NECAB3: variants seen among roughly 807,000 people sequenced by gnomAD.
The protein encoded by NECAB3 is N-terminal EF-hand calcium binding protein 3.
In NECAB3, 38 loss-of-function variants were observed where a neutral mutation model predicts 57.2. The observed-to-expected ratio is 0.66, with a 90% CI of 0.51 to 0.87. The LOEUF is 0.87. Among genes scored for constraint, NECAB3 ranks in the 40% least tolerant of loss-of-function variants. The pLI is 0.00. For missense variants in NECAB3, 474 were observed against 527.5 expected, an observed-to-expected ratio of 0.90 and a Z score of 0.99; for synonymous variants, 223 against 222.6, an observed-to-expected ratio of 1.00 and a Z score of -0.02.
Position 33,660,595 on chromosome 20 carries a change from C to G in NECAB3, c.388-200G>C, listed in dbSNP as rs1296124454. On this transcript the variant is annotated intron_variant, in intron 5 of 11. Coordinates refer to ENST00000246190, the MANE Select transcript of NECAB3 (RefSeq NM_031232.4). The surrounding 1 kb of genome is among the most constrained non-coding windows in gnomAD (Gnocchi z 4.1). ...TCCTTGTCCGGGACTGGCCTCCCTC[C>G]CCGGAGGTGTGAGGCCAACTCACAG... Among the ~76,000 whole-genome samples, 1 of 152,150 alleles carries G rather than the reference C, an allele frequency of 6.6e-6. No individual in the cohort carries two copies. Among genetic ancestry groups the G allele is most frequent in the Admixed American group, 6.5e-5 (1 of 15,282 alleles).
At chr20:33,674,562 A>C (rs1047159391), upstream of NECAB3, 1 of 300,684 alleles carries the variant, frequency 3.3e-6, no homozygotes, top group African/African-American at 2.2e-5. Context: ...GCCACGGCGG[A>C]GGGGGAGGCG....
In NECAB3 at chr20:33,658,764, C is replaced by T. The variant is rs778131621; in HGVS notation, c.950G>A (p.Arg317His). The change falls in exon 9 of 12, where the codon CGC becomes CAC. Residue 317 changes from arginine to histidine, a missense_variant. By Grantham distance (29) the Arg-to-His change is conservative (BLOSUM62 0). Coordinates refer to ENST00000246190, the MANE Select transcript of NECAB3 (RefSeq NM_031232.4). ...EGLQDFHRAL[R>H]CYVDFTGAQS... ...GGCCCCTGTGAAGTCCACATAGCAG[C>T]GCAGGGCTCGGTGGAAGTCCTGCAG... is the stretch of plus-strand genomic sequence containing the variant. 1.1e-5 allele frequency: 17 copies of T among 1,613,568 alleles called. No individual in the cohort carries two copies. The highest frequency in any genetic ancestry group is 7.7e-5 in the South Asian group (7 of 91,072).
intron 5 of NECAB3, chr20:33,662,551 G>A: frequency 6.8e-7 from 1 of 1,477,130 alleles, no homozygotes; most frequent in Non-Finnish European, 9.2e-7. Context: ...GGGAAGGGAT[G>A]CTGGGAGTCT....
chr20:33,663,707 G>A (rs770725346), intron 5 of NECAB3: 13 of 1,538,142 alleles, frequency 8.5e-6, no homozygotes, highest in Middle Eastern at 2.0e-4. Context: ...CTGCTGCGGC[G>A]GCAAGAGGCG....
chr20:33,666,589 C>T (rs2017658295), intron 5 of NECAB3: 1 of 152,290 alleles, frequency 6.6e-6, no homozygotes, highest in South Asian at 2.1e-4. Flanking sequence ...ACCACAAGGC[C>T]CCTTCGCCCT....
chr20:33,667,757 T>C (rs376698003), intron 5 of NECAB3: 1 of 1,612,588 alleles, frequency 6.2e-7, no homozygotes, highest in Non-Finnish European at 8.5e-7. Flanking sequence ...AGCTGCTACG[T>C]GTCCCTGGAC....
chr20:33,674,158 C>A, intron 1 of NECAB3, 66 bp downstream of exon 1: 3 of 1,226,290 alleles, frequency 2.4e-6, no homozygotes, highest in Non-Finnish European at 3.1e-6. Context: ...CCGAACAACC[C>A]CGGAGGGTGA....
chr20:33,663,964 A>G (rs1175073892), intron 5 of NECAB3: 1 of 1,128,410 alleles, frequency 8.9e-7, no homozygotes. Context: ...GGGGTGGGCA[A>G]AGCTCAGCCT....
intron 5 of NECAB3, chr20:33,667,653 G>A (rs1314105203): frequency 1.9e-6 from 3 of 1,609,634 alleles, no homozygotes; most frequent in Non-Finnish European, 2.5e-6. Flanking sequence ...GCAGCACCCT[G>A]TCGCGCTACC....
chr20:33,663,078 A>G (rs1424661378), intron 5 of NECAB3, among the ~76,000 whole-genome samples: 4 of 152,166 alleles, frequency 2.6e-5, no homozygotes, highest in Non-Finnish European at 5.9e-5. Flanking sequence ...CAACACGGAG[A>G]ATCAGTTCTA....
rs370908804 is a variant in NECAB3 at position 33,667,669 on chromosome 20, G to T, written c.387+1706C>A. 3 of 1,611,570 alleles carry T rather than the reference G, an allele frequency of 1.9e-6. No individual in the cohort carries two copies. The East Asian group carries it at 6.7e-5, about 36-fold the overall frequency. On this transcript the variant is annotated intron_variant, in intron 5 of 11. Coordinates refer to ENST00000246190, the MANE Select transcript of NECAB3 (RefSeq NM_031232.4). ...CAGCACCCTGTCGCGCTACCTGCGGGATCTGCTGGTGGCGGCGAACCCTGA... is the reference window on the plus strand; with the variant it reads ...CAGCACCCTGTCGCGCTACCTGCGGTATCTGCTGGTGGCGGCGAACCCTGA...
chr20:33,663,682 A>T, intron 5 of NECAB3: 1 of 1,587,406 alleles, frequency 6.3e-7, no homozygotes, highest in Non-Finnish European at 8.5e-7. Flanking sequence ...CGAGCCGAGG[A>T]TGCCGGTACT....
Position 33,660,487 on chromosome 20 carries a change from G to A in NECAB3, c.388-92C>T. 1 of 1,525,684 alleles carries A rather than the reference G, an allele frequency of 6.6e-7. No individual in the cohort carries two copies. Among genetic ancestry groups the A allele is most frequent in the Non-Finnish European group, 8.9e-7 (1 of 1,125,366 alleles). 94.5% of individuals were successfully genotyped at this position (1,525,684 alleles called of 1,614,324 possible). A position where few individuals can be genotyped will look rare whatever the true frequency, so the allele number is the denominator to read the frequency against. On this transcript the variant is annotated intron_variant, in intron 5 of 11. Coordinates refer to ENST00000246190, the MANE Select transcript of NECAB3 (RefSeq NM_031232.4). This position sits in a 1 kb window ranked among gnomAD's most constrained non-coding sequence, Gnocchi z 4.1. The stretch of plus-strand genomic sequence containing the variant: ...GCCTCTTGCCCATCAGAGCAGCGGT[G>A]GCAGTGCCAAGAGCAGGGGCACGCA...
chr20:33,658,966 G>A (rs981121271), intron 8 of NECAB3, 132 bp from the exon 9 acceptor site: 35 of 661,804 alleles, frequency 5.3e-5, no homozygotes, highest in Non-Finnish European at 8.9e-5. Flanking sequence ...TCTCACCCAG[G>A]CTGGAGTGCA....
chr20:33,670,597 C>T (rs1411101124), intron 3 of NECAB3, 87 bp downstream of exon 3: 11 of 966,066 alleles, frequency 1.1e-5, no homozygotes, highest in Non-Finnish European at 1.7e-5. Flanking sequence ...CTTCCTCATC[C>T]TACAAAAGGA....
chr20:33,658,771 C>T lies in NECAB3; in HGVS notation c.943G>A (p.Ala315Thr). ...AEEGLQDFHR[A>T]LRCYVDFTGA... ...GTGAAGTCCACATAGCAGCGCAGGGCTCGGTGGAAGTCCTGCAGGCCTTCC... is the reference window on the plus strand; with the variant it reads ...GTGAAGTCCACATAGCAGCGCAGGGTTCGGTGGAAGTCCTGCAGGCCTTCC... The change falls in exon 9 of 12, where the codon GCC (alanine) becomes ACC (threonine). Residue 315 changes from alanine to threonine, a missense_variant. By Grantham distance (58) the Ala-to-Thr change is moderately conservative. Transcript: ENST00000246190. 6.2e-7 allele frequency: 1 copy of T among 1,613,718 alleles called. No individual in the cohort carries two copies. The highest frequency in any genetic ancestry group is 2.2e-5 in the East Asian group (1 of 44,870).
At chr20:33,670,872 C>T in intron 2 of NECAB3, 80 bp from the exon 3 acceptor site, 1 of 984,016 alleles carries the variant, frequency 1.0e-6, no homozygotes, top group South Asian at 1.4e-5. Context: ...GTCCAGGGTC[C>T]CAAAGGCCTC....
intron 5 of NECAB3, chr20:33,668,210 G>A: frequency 6.2e-7 from 1 of 1,603,610 alleles, no homozygotes; most frequent in East Asian, 2.2e-5. Context: ...TGTGGCTCCA[G>A]GCTGCTGTAC....
chr20:33,670,632 G>C, intron 3 of NECAB3, 52 bp downstream of exon 3: 1 of 1,321,526 alleles, frequency 7.6e-7, no homozygotes, highest in Non-Finnish European at 1.1e-6. Context: ...GGACACAGTG[G>C]GGTAAAGACA....
Sources: gnomAD v4.1 joint callset for allele counts (sites outside exome capture counted in the v4.1 genomes callset) on GRCh38, gnomAD v4.1.1 for gene constraint, Gnocchi (gnomAD v3.1) non-coding constraint, MANE v1.5 for transcripts, NCBI Gene and HGNC (gene_info 2026-07-23, HGNC 2026-07-21) for gene names.